Variants in TRMT9B observed in about 807,000 individuals in gnomAD.
The protein encoded by TRMT9B is probable tRNA methyltransferase 9B.
Under a neutral mutation model 11.5 loss-of-function variants are expected in TRMT9B, and 16 were observed. The ratio of observed to expected loss-of-function variants is 1.39; its 90% confidence interval spans 0.94 to 2.11. The LOEUF (loss-of-function observed/expected upper bound fraction) is 2.11, where lower values mean the gene tolerates loss of function less well. Ranked by LOEUF, TRMT9B falls within the 30% of genes most tolerant of loss-of-function variation. The pLI, the probability that TRMT9B is intolerant of heterozygous loss-of-function variation, is 0.00. For synonymous variants in TRMT9B, 274 were observed against 192.4 expected (o/e 1.42, Z -3.51); for missense variants, 941 against 553.8 (o/e 1.70, Z -7.02).
Position 13,021,870 on chromosome 8 carries a change from T to A in TRMT9B, c.1191T>A (p.Asp397Glu), listed in dbSNP as rs771280627. The change falls in exon 5 of 5, where the codon GAT (aspartate) becomes GAA (glutamate). Residue 397 changes from aspartate to glutamate, a missense_variant. Physicochemically the swap from Asp to Glu is conservative, Grantham distance 45 (BLOSUM62 2). Coordinates refer to ENST00000524591, the MANE Select transcript of TRMT9B (RefSeq NM_020844.3). ...FNPDDTMSVE[D>E]PQTDVLDSTA... is the part of the protein sequence containing the mutation. ...CAGATGATACAATGTCTGTCGAAGA[T>A]CCACAGACTGATGTTTTGGACTCCA... The A allele has an allele frequency of 1.2e-6, 2 of 1,613,896 alleles. No homozygotes were observed. Among genetic ancestry groups the A allele is most frequent in the East Asian group, 4.5e-5 (2 of 44,864 alleles).
intron 1 of TRMT9B, among the ~76,000 whole-genome samples, chr8:12,972,388 T>C (rs760807231): frequency 7.2e-5 from 11 of 152,116 alleles, no homozygotes; most frequent in Non-Finnish European, 1.3e-4. Flanking sequence ...GAGACTTGCT[T>C]GTGGGCGAGG....
chr8:12,970,373 G>A (rs1404397464), intron 1 of TRMT9B, among the ~76,000 whole-genome samples: 1 of 152,134 alleles, frequency 6.6e-6, no homozygotes, highest in Non-Finnish European at 1.5e-5. Flanking sequence ...CATGTATTCA[G>A]TATTCTCCAT....
Position 13,023,340 on chromosome 8 carries a change from G to C in TRMT9B, c.*1296G>C, listed in dbSNP as rs927939344. The C allele has an allele frequency of 6.6e-5, 11 of 167,130 alleles. No individual in the cohort carries two copies. Among genetic ancestry groups the C allele is most frequent in the African/African-American group, 2.6e-4 (11 of 41,556 alleles). 10.4% of individuals were successfully genotyped at this position (167,130 alleles called of 1,614,324 possible). A position where few individuals can be genotyped will look rare whatever the true frequency, so the allele number is the denominator to read the frequency against. Reference sequence around the variant, plus strand: ...GTTAGCCTTGGTAGAGGTATGACTTGGATTTGCTGTATCCTTTAAAATAGT... The same window carrying C: ...GTTAGCCTTGGTAGAGGTATGACTTCGATTTGCTGTATCCTTTAAAATAGT... On this transcript the variant is annotated 3_prime_UTR_variant, in exon 5 of 5. Transcript: ENST00000524591.
At chr8:12,959,516 C>CTCTTTTTTTTTTT (rs757156112) in intron 1 of TRMT9B, among the ~76,000 whole-genome samples, 1 of 74,896 alleles carries the variant, frequency 1.3e-5, no homozygotes, top group Admixed American at 2.4e-4. Flanking sequence ...TTTTTCCTTC[C>CTCTTTTTTTTTTT]TTTTTTTTTT....
chr8:12,961,018 G>A (rs181999145), intron 1 of TRMT9B, among the ~76,000 whole-genome samples: 5 of 152,234 alleles, frequency 3.3e-5, no homozygotes, highest in African/African-American at 9.6e-5. Context: ...GTGCGTGCCT[G>A]TAGTCCCAGC....
chr8:12,994,843 G>A (rs1047494674), intron 2 of TRMT9B, among the ~76,000 whole-genome samples: 2 of 152,010 alleles, frequency 1.3e-5, no homozygotes, highest in Non-Finnish European at 2.9e-5. Flanking sequence ...CACCATGCCC[G>A]GCTAATGTTT....
At chr8:12,962,783 G>A (rs1206895434) in intron 1 of TRMT9B, among the ~76,000 whole-genome samples, 2 of 152,242 alleles carry the variant, frequency 1.3e-5, no homozygotes, top group East Asian at 1.9e-4. Flanking sequence ...GAGCCACTGC[G>A]CCTGGCCAGA....
In TRMT9B at chr8:13,004,863, G is replaced by A. The variant is rs111624591; in HGVS notation, c.-1-1339G>A. ...GTGGGGAAGGGGTCTTTGGAAAGGG[G>A]AGGGAAGAGTGGGAAGGGCTGCATC... On this transcript the variant is annotated intron_variant, in intron 2 of 4. Coordinates refer to ENST00000524591, the MANE Select transcript of TRMT9B (RefSeq NM_020844.3). 2.5e-3 allele frequency among the ~76,000 whole-genome samples: 378 copies of A among 152,162 alleles called. 2 individuals carry two copies. The highest frequency in any genetic ancestry group is 7.7e-3 in the African/African-American group (320 of 41,528).
chr8:12,973,821 C>G (rs114197483), intron 1 of TRMT9B, among the ~76,000 whole-genome samples: 1 of 152,102 alleles, frequency 6.6e-6, no homozygotes, highest in Non-Finnish European at 1.5e-5. Context: ...TAGTTCCCAC[C>G]GTGCCCAGAG....
At chr8:12,980,969 G>A (rs898330037) in intron 1 of TRMT9B, among the ~76,000 whole-genome samples, 4 of 152,142 alleles carry the variant, frequency 2.6e-5, no homozygotes, top group Non-Finnish European at 2.9e-5. Context: ...CACTGCAAGA[G>A]TTTCTCCATG....
intron 1 of TRMT9B, among the ~76,000 whole-genome samples, chr8:12,978,107 G>C (rs568477909): frequency 4.2e-4 from 64 of 152,300 alleles, no homozygotes; most frequent in Non-Finnish European, 7.9e-4. Flanking sequence ...AAAGCGAAGA[G>C]AGAAAGCAAA....
At position 12,945,895 on chromosome 8, in the gene TRMT9B, T is replaced by G. The variant is rs908624640; in HGVS notation, c.-271T>G. 6.6e-6 allele frequency: 1 copy of G among 152,240 alleles called. No individual in the cohort carries two copies. Among genetic ancestry groups the G allele is most frequent in the African/African-American group, 2.4e-5 (1 of 41,466 alleles). 9.4% of individuals were successfully genotyped at this position (152,240 alleles called of 1,614,324 possible). Reference sequence around the variant, plus strand: ...ACTTTCAGGATCTAAGGCTGAATCCTACACAGTCCTCCCTCTGGGAAAGTG... The same window carrying G: ...ACTTTCAGGATCTAAGGCTGAATCCGACACAGTCCTCCCTCTGGGAAAGTG... On this transcript the variant is annotated 5_prime_UTR_variant, in exon 1 of 5. Coordinates refer to ENST00000524591, the MANE Select transcript of TRMT9B (RefSeq NM_020844.3).
intron 1 of TRMT9B, among the ~76,000 whole-genome samples, chr8:12,969,721 G>T (rs2977111): frequency 6.6e-6 from 1 of 151,410 alleles, no homozygotes; most frequent in Non-Finnish European, 1.5e-5. Flanking sequence ...CTGGAGTGTA[G>T]AGTGCACTGG....
Position 13,029,642 on chromosome 8 carries a change from G to C in TRMT9B, c.*7598G>C, listed in dbSNP as rs1419255537. ...AACAGAACGGGGCAAGTTCGTATTT[G>C]AATTCTGTTATATTTATCTAAGGGA... On this transcript the variant is annotated 3_prime_UTR_variant, in exon 5 of 5. Coordinates refer to ENST00000524591, the MANE Select transcript of TRMT9B (RefSeq NM_020844.3). The C allele has an allele frequency of 6.3e-6, 1 of 159,706 alleles. No homozygotes were observed. The highest frequency in any genetic ancestry group is 1.5e-5 in the Non-Finnish European group (1 of 68,080). 9.9% of individuals were successfully genotyped at this position (159,706 alleles called of 1,614,324 possible). A position where few individuals can be genotyped will look rare whatever the true frequency, so the allele number is the denominator to read the frequency against.
At chr8:13,020,862 T>G in intron 4 of TRMT9B, 146 bp from the exon 5 acceptor site, 1 of 565,468 alleles carries the variant, frequency 1.8e-6, no homozygotes, top group Non-Finnish European at 3.0e-6. Context: ...CCTGTGTTAT[T>G]TCTGTCATCA....
At chr8:13,008,048 G>C (rs1271103957) in intron 3 of TRMT9B, among the ~76,000 whole-genome samples, 3 of 152,144 alleles carry the variant, frequency 2.0e-5, no homozygotes, top group Non-Finnish European at 4.4e-5. Flanking sequence ...ATTGTTTTTA[G>C]GGGAAATGTT....
At chr8:12,989,572 GC>G (rs1806968044) in intron 1 of TRMT9B, among the ~76,000 whole-genome samples, 1 of 152,106 alleles carries the variant, frequency 6.6e-6, no homozygotes, top group African/African-American at 2.4e-5. Flanking sequence ...TGAAGACTTT[GC>G]CTTTGGTGGC....
At chr8:13,000,054 C>G (rs918150084) in intron 2 of TRMT9B, among the ~76,000 whole-genome samples, 1 of 151,970 alleles carries the variant, frequency 6.6e-6, no homozygotes, top group Non-Finnish European at 1.5e-5. Flanking sequence ...GCTTTTTATT[C>G]CTTTTGGTGG....
intron 1 of TRMT9B, among the ~76,000 whole-genome samples, chr8:12,947,127 A>G (rs558475950): frequency 6.6e-6 from 1 of 152,332 alleles, no homozygotes; most frequent in South Asian, 2.1e-4. Context: ...TTCTCAGTCC[A>G]TTCTGACTGG....
Sources: allele counts gnomAD v4.1 joint callset (sites outside exome capture counted in the v4.1 genomes callset), GRCh38; gene constraint gnomAD v4.1.1; transcripts MANE v1.5; gene names NCBI Gene and HGNC (gene_info 2026-07-23, HGNC 2026-07-21).